The following IGDCC3 variants were observed in gnomAD, a reference collection of about 807,000 sequenced individuals.
IGDCC3 encodes immunoglobulin superfamily DCC subclass member 3.
Under a neutral mutation model 72.0 loss-of-function variants are expected in IGDCC3, and 47 were observed. The ratio of observed to expected loss-of-function variants is 0.65; its 90% CI spans 0.52 to 0.83. The LOEUF is 0.83. Among genes scored for constraint, IGDCC3 ranks in the 40% least tolerant of loss-of-function variants. The pLI is 0.00. For missense variants in IGDCC3, 1,038 were observed against 1,091.3 expected, an observed-to-expected ratio of 0.95 and a Z score of 0.69; for synonymous variants, 477 against 472.8, an observed-to-expected ratio of 1.01 and a Z score of -0.11.
At position 65,329,660 on chromosome 15, in the gene IGDCC3, ACT is replaced by A; in HGVS notation, c.1997+64_1998-64del. On this transcript the variant is annotated intron_variant, in intron 12 of 13. Coordinates refer to ENST00000327987, the MANE Select transcript of IGDCC3 (RefSeq NM_004884.4). This position sits in a 1 kb window ranked among gnomAD's most constrained non-coding sequence, Gnocchi z 4.1. ...AAAGAGACAGAGGCAGTGAGCCCAC[ACT>A]CACCTTCTCTAGGCCTAGTCCCCCA... 1 of 1,610,708 alleles carries A rather than the reference ACT, an allele frequency of 6.2e-7. No homozygotes were observed. The highest frequency in any genetic ancestry group is 8.5e-7 in the Non-Finnish European group (1 of 1,177,566).
rs771241060 is a variant in IGDCC3, at chr15:65,375,302, G to A, written c.204C>T (p.Thr68=). 8.4e-5 allele frequency: 135 copies of A among 1,614,010 alleles called. No individual in the cohort carries two copies. Among genetic ancestry groups the A allele is most frequent in the Non-Finnish European group, 1.1e-4 (130 of 1,180,034 alleles). ...TCCTCCAGGTGATTCGCACTGGAGG[G>A]GTCCCCTCCACCCTGCAGTCCAGCA... ...PIVLDCRVEG[T]PPVRITWRKN... Residue 68 remains threonine (T), a synonymous_variant, in exon 2 of 14, where the codon ACC becomes ACT. Transcript: ENST00000327987.
At chr15:65,359,868 C>G (rs1315195878) in intron 2 of IGDCC3, among the ~76,000 whole-genome samples, 3 of 152,112 alleles carry the variant, frequency 2.0e-5, no homozygotes, top group African/African-American at 7.2e-5. Context: ...ATAGGCCTTT[C>G]AGGAGTAATA....
At chr15:65,358,888 C>T (rs1595761995) in intron 2 of IGDCC3, among the ~76,000 whole-genome samples, 1 of 152,148 alleles carries the variant, frequency 6.6e-6, no homozygotes, top group Non-Finnish European at 1.5e-5. Context: ...TGGAGTGGCG[C>T]GATCTTGGCT....
chr15:65,329,447 C>G lies in IGDCC3; in HGVS notation c.2148G>C (p.Glu716Asp). The change falls in exon 13 of 14, where the codon GAG becomes GAC. Residue 716 changes from glutamate to aspartate, a missense_variant. Physicochemically the swap from Glu to Asp is conservative, Grantham distance 45 (BLOSUM62 2). Coordinates refer to ENST00000327987, the MANE Select transcript of IGDCC3 (RefSeq NM_004884.4). The surrounding 1 kb of genome is among the most constrained non-coding windows in gnomAD (Gnocchi z 4.1). The stretch of plus-strand genomic sequence containing the variant: ...TGGCCGGGGGGAACAGCTGCTCCAG[C>G]TCCTTCATATCCACACGTTTCTCGT... ...GRDEKRVDMK[E>D]LEQLFPPASA... 6.2e-7 allele frequency: 1 copy of G among 1,609,286 alleles called. No homozygotes were observed. The highest frequency in any genetic ancestry group is 2.2e-5 in the East Asian group (1 of 44,832).
At chr15:65,363,903 C>T (rs1213461074) in intron 2 of IGDCC3, among the ~76,000 whole-genome samples, 2 of 152,208 alleles carry the variant, frequency 1.3e-5, no homozygotes, top group East Asian at 1.9e-4. Context: ...CCAGCTTCCT[C>T]TTCACTCAGG....
chr15:65,351,483 G>A (rs1037775473), intron 2 of IGDCC3, among the ~76,000 whole-genome samples: 4 of 149,118 alleles, frequency 2.7e-5, no homozygotes, highest in Non-Finnish European at 5.9e-5. Flanking sequence ...GCAATGAGCC[G>A]AGATTGCACC....
chr15:65,375,034 C>A, intron 2 of IGDCC3, 63 bp downstream of exon 2: 1 of 1,482,870 alleles, frequency 6.7e-7, no homozygotes, highest in African/African-American at 1.4e-5. Flanking sequence ...GCCCTCATGC[C>A]CTAGGCTGAC....
rs2091065240 is a variant in IGDCC3, at chr15:65,339,967, A to T, written c.410-4011T>A. Among the ~76,000 whole-genome samples the T allele has an allele frequency of 6.6e-6, 1 of 152,150 alleles. No homozygotes were observed. The highest frequency in any genetic ancestry group is 6.5e-5 in the Admixed American group (1 of 15,274). On this transcript the variant is annotated intron_variant, in intron 2 of 13. Transcript: ENST00000327987. This position sits in a 1 kb window ranked among gnomAD's most constrained non-coding sequence, Gnocchi z 4.1. ...GGAGGACAAAGTCCTGCTTGGCAGT[A>T]GGTGGGGAGAAAGGAAGAAGGCACC...
intron 2 of IGDCC3, among the ~76,000 whole-genome samples, chr15:65,370,618 GTGTATA>G (rs772191326): frequency 0.15 from 8,800 of 56,790 alleles, 397 homozygotes; most frequent in Non-Finnish European, 0.19. Context: ...ATATATGTAT[GTGTATA>G]TATATATATA....
intron 2 of IGDCC3, among the ~76,000 whole-genome samples, chr15:65,357,917 C>T (rs2091235834): frequency 6.6e-6 from 1 of 152,056 alleles, no homozygotes; most frequent in African/African-American, 2.4e-5. Context: ...CAAAACAAAA[C>T]AAAACAAAAA....
chr15:65,368,218 G>C (rs1041907669), intron 2 of IGDCC3, among the ~76,000 whole-genome samples: 2 of 150,392 alleles, frequency 1.3e-5, no homozygotes, highest in Admixed American at 6.6e-5. Flanking sequence ...AGGCACTCTG[G>C]AGAGAAGAGG....
intron 2 of IGDCC3, among the ~76,000 whole-genome samples, chr15:65,354,513 C>T (rs2091199196): frequency 6.6e-6 from 1 of 152,150 alleles, no homozygotes. Context: ...CGTCTCCTAC[C>T]CCTTTTCAGA....
intron 2 of IGDCC3, chr15:65,356,092 TG>T (rs2140160425): frequency 4.4e-6 from 1 of 228,576 alleles, no homozygotes; most frequent in Admixed American, 5.7e-5. Context: ...AGCGCGCAGT[TG>T]TCCTTAATTC....
intron 2 of IGDCC3, among the ~76,000 whole-genome samples, chr15:65,368,456 T>C (rs370614043): frequency 3.9e-5 from 6 of 152,300 alleles, no homozygotes; most frequent in East Asian, 3.9e-4. Flanking sequence ...GCCAGCTGGC[T>C]GCCTGTGACA....
intron 2 of IGDCC3, among the ~76,000 whole-genome samples, chr15:65,344,087 G>T (rs1595755719): frequency 1.3e-5 from 2 of 152,284 alleles, no homozygotes; most frequent in South Asian, 2.1e-4. Flanking sequence ...GCTTCCAAAG[G>T]AGCATCTGAG....
At chr15:65,346,031 T>C (rs2091121632) in intron 2 of IGDCC3, among the ~76,000 whole-genome samples, 1 of 152,186 alleles carries the variant, frequency 6.6e-6, no homozygotes, top group Non-Finnish European at 1.5e-5. Flanking sequence ...CACAACATGC[T>C]AGACCCTTAC....
chr15:65,353,564 C>T (rs955413017), intron 2 of IGDCC3, among the ~76,000 whole-genome samples: 38 of 152,126 alleles, frequency 2.5e-4, no homozygotes, highest in African/African-American at 8.9e-4. Context: ...ATGGGTAAGG[C>T]ATTCTAAATC....
chr15:65,338,834 G>A (rs2091053786), intron 2 of IGDCC3, among the ~76,000 whole-genome samples: 1 of 152,212 alleles, frequency 6.6e-6, no homozygotes, highest in Non-Finnish European at 1.5e-5. Context: ...CTCTGGGCCA[G>A]CAAACTCAGC....
intron 2 of IGDCC3, among the ~76,000 whole-genome samples, chr15:65,355,019 T>C (rs1338575904): frequency 1.3e-5 from 2 of 152,202 alleles, no homozygotes; most frequent in Non-Finnish European, 2.9e-5. Context: ...CACCCTGGCC[T>C]GGCAAGTTCT....
Sources: allele counts gnomAD v4.1 joint callset (sites outside exome capture counted in the v4.1 genomes callset), GRCh38; gene constraint gnomAD v4.1.1; non-coding constraint Gnocchi (gnomAD v3.1); transcripts MANE v1.5; gene names NCBI Gene and HGNC (gene_info 2026-07-23, HGNC 2026-07-21).